MARK1: variants seen among roughly 807,000 people sequenced by gnomAD.
The protein encoded by MARK1 is microtubule affinity regulating kinase 1.
In MARK1, 40 loss-of-function variants were observed where a neutral mutation model predicts 96.3. The observed-to-expected ratio is 0.42, with a 90% CI of 0.32 to 0.54. The LOEUF (loss-of-function observed/expected upper bound fraction) is 0.54, where lower values mean the gene tolerates loss of function less well. Ranked by LOEUF, MARK1 falls within the 20% of genes least tolerant of loss-of-function variation. The pLI is 0.16. For missense variants in MARK1, 719 were observed against 984.6 expected, an observed-to-expected ratio of 0.73 and a Z score of 3.61; for synonymous variants, 317 against 341.2, an observed-to-expected ratio of 0.93 and a Z score of 0.78.
chr1:220,576,563 T>C (rs1369082779), intron 1 of MARK1: 1 of 152,060 alleles, frequency 6.6e-6, no homozygotes, highest in African/African-American at 2.4e-5. Flanking sequence ...AAATGTGGTA[T>C]AGTATTAATA....
intron 3 of MARK1, among the ~76,000 whole-genome samples, chr1:220,597,589 CAT>C (rs1250098328): frequency 2.6e-5 from 4 of 152,062 alleles, no homozygotes; most frequent in African/African-American, 9.7e-5. Context: ...TGATAAAATG[CAT>C]ATGTCTTAAT....
intron 1 of MARK1, among the ~76,000 whole-genome samples, chr1:220,578,945 C>T (rs1408940264): frequency 3.3e-5 from 5 of 152,060 alleles, no homozygotes; most frequent in Admixed American, 6.6e-5. Context: ...CAGGTTCAAG[C>T]GATTCTCCTC....
chr1:220,625,982 A>G (rs1367568268), intron 9 of MARK1: 9 of 551,668 alleles, frequency 1.6e-5, no homozygotes, highest in African/African-American at 5.7e-5. Context: ...ATCTCTTCAG[A>G]TACATGTTCG....
At chr1:220,643,303 G>T (rs1231472165) in intron 13 of MARK1, among the ~76,000 whole-genome samples, 2 of 152,112 alleles carry the variant, frequency 1.3e-5, no homozygotes, top group Non-Finnish European at 2.9e-5. Flanking sequence ...AACACAAGTA[G>T]CAACAGCCGA....
chr1:220,629,471 A>G (rs1407002650), intron 9 of MARK1, among the ~76,000 whole-genome samples: 1 of 151,926 alleles, frequency 6.6e-6, no homozygotes, highest in Non-Finnish European at 1.5e-5. Flanking sequence ...TGTACAACAG[A>G]TCTCCAGAAC....
chr1:220,571,086 T>G (rs1026654686), intron 1 of MARK1, among the ~76,000 whole-genome samples: 1 of 152,244 alleles, frequency 6.6e-6, no homozygotes, highest in Admixed American at 6.5e-5. Context: ...TTTTTTTGTT[T>G]GTAATTAAGT....
intron 1 of MARK1, among the ~76,000 whole-genome samples, chr1:220,562,890 G>C (rs969638039): frequency 6.6e-6 from 1 of 152,100 alleles, no homozygotes; most frequent in Non-Finnish European, 1.5e-5. Flanking sequence ...GAACTTTGTG[G>C]AATTTTTTTT....
At chr1:220,563,149 T>C (rs770565690) in intron 1 of MARK1, among the ~76,000 whole-genome samples, 2 of 152,188 alleles carry the variant, frequency 1.3e-5, no homozygotes, top group Non-Finnish European at 2.9e-5. Context: ...TGAAATAATG[T>C]ATCCCAAAGG....
In MARK1 at chr1:220,662,271, G is replaced by A; in HGVS notation, c.*105G>A. On this transcript the variant is annotated 3_prime_UTR_variant, in exon 18 of 18. Coordinates refer to ENST00000366917, the MANE Select transcript of MARK1 (RefSeq NM_018650.5). Reference sequence around the variant, plus strand: ...GTGGTCTGCCTGTGAATCTCCCCATGTAGAATTTGCCCTTAATGCAATAAG... The same window carrying A: ...GTGGTCTGCCTGTGAATCTCCCCATATAGAATTTGCCCTTAATGCAATAAG... 2.4e-6 allele frequency: 2 copies of A among 824,144 alleles called. No individual in the cohort carries two copies. The highest frequency in any genetic ancestry group is 3.5e-5 in the South Asian group (2 of 56,340). The allele number at this position is 824,144 out of a possible 1,614,324, so 51.1% of individuals were successfully genotyped here. A position where few individuals can be genotyped will look rare whatever the true frequency, so the allele number is the denominator to read the frequency against.
At chr1:220,591,614 G>T (rs1004394988) in intron 3 of MARK1, among the ~76,000 whole-genome samples, 2 of 152,070 alleles carry the variant, frequency 1.3e-5, no homozygotes, top group Non-Finnish European at 2.9e-5. Flanking sequence ...GTGCAGTAAG[G>T]AGCTGTTAAT....
chr1:220,554,026 A>T (rs1022049659), intron 1 of MARK1, among the ~76,000 whole-genome samples: 2 of 152,196 alleles, frequency 1.3e-5, no homozygotes, highest in Non-Finnish European at 2.9e-5. Flanking sequence ...CTACTGACAT[A>T]CATGGTACCC....
intron 9 of MARK1, among the ~76,000 whole-genome samples, chr1:220,629,958 A>G (rs1348462237): frequency 6.6e-6 from 1 of 152,144 alleles, no homozygotes; most frequent in Non-Finnish European, 1.5e-5. Flanking sequence ...TTTTTGGATA[A>G]ATACCCAGAA....
chr1:220,531,206 G>T (rs909551232), intron 1 of MARK1, among the ~76,000 whole-genome samples: 1 of 152,062 alleles, frequency 6.6e-6, no homozygotes, highest in Non-Finnish European at 1.5e-5. Context: ...ACTTCTCATC[G>T]ATGAAATAAA....
chr1:220,625,143 A>G (rs2102988865), intron 9 of MARK1, among the ~76,000 whole-genome samples: 2 of 152,366 alleles, frequency 1.3e-5, no homozygotes, highest in Middle Eastern at 3.4e-3. Context: ...TGAGAGAAAC[A>G]GTATATAAGG....
At chr1:220,563,975 G>C (rs1208478827) in intron 1 of MARK1, among the ~76,000 whole-genome samples, 2 of 152,072 alleles carry the variant, frequency 1.3e-5, no homozygotes, top group African/African-American at 4.8e-5. Flanking sequence ...CTTCCTTTTG[G>C]TTATTTCATT....
At chr1:220,550,128 A>G (rs1216848382) in intron 1 of MARK1, among the ~76,000 whole-genome samples, 1 of 152,224 alleles carries the variant, frequency 6.6e-6, no homozygotes, top group Non-Finnish European at 1.5e-5. Flanking sequence ...AGCTTTAAAC[A>G]TGCTAATGGA....
chr1:220,556,792 C>G (rs1005135040), intron 1 of MARK1, among the ~76,000 whole-genome samples: 2 of 152,132 alleles, frequency 1.3e-5, no homozygotes, highest in East Asian at 3.9e-4. Context: ...GATTAAGCAG[C>G]AGATTATTCC....
In MARK1 at chr1:220,584,251, C is replaced by A. The variant is rs1297714432; in HGVS notation, c.309+3133C>A. On this transcript the variant is annotated intron_variant, in intron 3 of 17. Coordinates refer to ENST00000366917, the MANE Select transcript of MARK1 (RefSeq NM_018650.5). ...TGTTTTACTGTGTTATATTATGTTG[C>A]ATATTCACAAAAGTGGCTAAGTGGT... 2.6e-5 allele frequency among the ~76,000 whole-genome samples: 4 copies of A among 151,970 alleles called. No homozygotes were observed. In the South Asian group the frequency reaches 8.3e-4, roughly 32 times the overall value.
At chr1:220,642,427 G>C (rs1668327467) in intron 13 of MARK1, among the ~76,000 whole-genome samples, 1 of 152,130 alleles carries the variant, frequency 6.6e-6, no homozygotes, top group South Asian at 2.1e-4. Flanking sequence ...CACCAGGCAG[G>C]GCCTCCCTGC....
Sources: gnomAD v4.1 joint callset for allele counts (sites outside exome capture counted in the v4.1 genomes callset) on GRCh38, gnomAD v4.1.1 for gene constraint, MANE v1.5 for transcripts, NCBI Gene and HGNC (gene_info 2026-07-23, HGNC 2026-07-21) for gene names.